The following STK3 variants were observed in gnomAD, a reference collection of about 807,000 sequenced individuals.
STK3 encodes the protein serine/threonine kinase 3, also known as serine/threonine-protein kinase 3.
A neutral mutation model predicts 58.0 loss-of-function variants in STK3; 41 were observed. The ratio of observed to expected loss-of-function variants is 0.71; its 90% confidence interval spans 0.55 to 0.92. The LOEUF (loss-of-function observed/expected upper bound fraction) is 0.92, where lower values mean the gene tolerates loss of function less well. STK3 is among the 40% of genes least tolerant of loss of function. The pLI is 0.00. For synonymous variants in STK3, 170 were observed against 191.0 expected (o/e 0.89, Z 0.91); for missense variants, 479 against 602.7 (o/e 0.79, Z 2.15).
At chr8:98,744,691 C>T (rs1033509160) in intron 4 of STK3, among the ~76,000 whole-genome samples, 2 of 151,702 alleles carry the variant, frequency 1.3e-5, no homozygotes, top group South Asian at 4.2e-4. Context: ...ATGTAACTAA[C>T]CTGCACATTG....
chr8:98,399,916 C>G (rs1445876058), downstream of STK3, among the ~76,000 whole-genome samples: 3 of 152,206 alleles, frequency 2.0e-5, no homozygotes, highest in African/African-American at 7.2e-5. Context: ...AAACAGAGTT[C>G]AGAAGTGTTT....
intron 10 of STK3, among the ~76,000 whole-genome samples, chr8:98,506,477 C>T (rs887828046): frequency 5.9e-5 from 9 of 152,128 alleles, no homozygotes; most frequent in South Asian, 4.1e-4. Context: ...CCGTCTTCTG[C>T]GTCAATCACA....
At chr8:98,799,491 G>C (rs1833380496) in intron 1 of STK3, among the ~76,000 whole-genome samples, 1 of 152,144 alleles carries the variant, frequency 6.6e-6, no homozygotes, top group Non-Finnish European at 1.5e-5. Flanking sequence ...GAAAAAAGCA[G>C]TGTACCCTAT....
At chr8:98,492,839 C>T (rs1447571824) in intron 10 of STK3, among the ~76,000 whole-genome samples, 1 of 152,112 alleles carries the variant, frequency 6.6e-6, no homozygotes, top group Non-Finnish European at 1.5e-5. Flanking sequence ...TACTAGTGCT[C>T]TAGGTCCCAT....
chr8:98,502,297 G>A (rs1823670578), intron 10 of STK3, among the ~76,000 whole-genome samples: 1 of 151,786 alleles, frequency 6.6e-6, no homozygotes, highest in Non-Finnish European at 1.5e-5. Context: ...AGCTTAAGGA[G>A]ATTTTGGGCT....
chr8:98,385,851 C>T (rs749798469), intron 1 of STK3, among the ~76,000 whole-genome samples: 6 of 152,160 alleles, frequency 3.9e-5, no homozygotes, highest in East Asian at 1.9e-4. Context: ...CTCTTCTCCC[C>T]GTATTCCAAA....
the STK3 span, among the ~76,000 whole-genome samples, chr8:98,352,388 G>A: frequency 6.6e-6 from 1 of 152,142 alleles, no homozygotes; most frequent in African/African-American, 2.4e-5. Context: ...CTGTACCTGT[G>A]AGCACACATA....
downstream of STK3, among the ~76,000 whole-genome samples, chr8:98,370,035 G>T (rs1291578064): frequency 6.6e-6 from 1 of 151,532 alleles, no homozygotes; most frequent in Non-Finnish European, 1.5e-5. Flanking sequence ...ATATGGGGCA[G>T]AAGGGGTGGG....
chr8:98,477,837 CA>C (rs1177351229), intron 10 of STK3, among the ~76,000 whole-genome samples: 1 of 150,234 alleles, frequency 6.7e-6, no homozygotes, highest in East Asian at 2.0e-4. Flanking sequence ...TTGGTGGGGT[CA>C]GGGGTAATTC....
chr8:98,842,189 T>C (rs761099602), intron 3 of STK3, among the ~76,000 whole-genome samples: 1 of 152,224 alleles, frequency 6.6e-6, no homozygotes, highest in African/African-American at 2.4e-5. Flanking sequence ...ATATTTAAAA[T>C]TTTTAAATTC....
intron 10 of STK3, among the ~76,000 whole-genome samples, chr8:98,475,772 T>C (rs757967223): frequency 6.6e-6 from 1 of 152,218 alleles, no homozygotes; most frequent in Non-Finnish European, 1.5e-5. Flanking sequence ...GAATTATAAA[T>C]GGCGGATTTA....
intron 4 of STK3, among the ~76,000 whole-genome samples, chr8:98,712,265 C>G (rs1587386993): frequency 2.0e-5 from 3 of 152,178 alleles, no homozygotes; most frequent in Admixed American, 2.0e-4. Context: ...ATGACAGGAT[C>G]AAATTCACAC....
chr8:98,505,850 G>C (rs574432678), intron 10 of STK3, among the ~76,000 whole-genome samples: 1 of 152,338 alleles, frequency 6.6e-6, no homozygotes, highest in South Asian at 2.1e-4. Flanking sequence ...CTACACAGGG[G>C]TCAGGGACCC....
At chr8:98,829,953 G>A (rs1310032525), upstream of STK3, among the ~76,000 whole-genome samples, 1 of 151,762 alleles carries the variant, frequency 6.6e-6, no homozygotes, top group Non-Finnish European at 1.5e-5. Context: ...GAGGCCGGAC[G>A]TGGTGGCTCA....
At chr8:98,698,497 G>A (rs945144075) in intron 6 of STK3, among the ~76,000 whole-genome samples, 18 of 152,140 alleles carry the variant, frequency 1.2e-4, no homozygotes, top group Non-Finnish European at 2.4e-4. Context: ...TGCAGTGGCT[G>A]GTACCGGTTG....
intron 10 of STK3, among the ~76,000 whole-genome samples, chr8:98,459,976 C>T (rs1361683614): frequency 6.6e-6 from 1 of 152,216 alleles, no homozygotes; most frequent in African/African-American, 2.4e-5. Context: ...TAAAGAGTCC[C>T]CACTGGGGTG....
intron 6 of STK3, among the ~76,000 whole-genome samples, chr8:98,612,554 T>C (rs1246829653): frequency 1.3e-5 from 2 of 151,510 alleles, no homozygotes; most frequent in African/African-American, 4.8e-5. Context: ...GGAACATAAC[T>C]GATGACTTCC....
chr8:98,593,895 C>A (rs752304677), intron 7 of STK3, among the ~76,000 whole-genome samples: 1 of 151,756 alleles, frequency 6.6e-6, no homozygotes, highest in East Asian at 1.9e-4. Flanking sequence ...TCCTACCCCC[C>A]CAAAAAAAAA....
chr8:98,368,583 G>T (rs1241651726), downstream of STK3, among the ~76,000 whole-genome samples: 1 of 152,214 alleles, frequency 6.6e-6, no homozygotes, highest in Non-Finnish European at 1.5e-5. Context: ...CATGTCCAGG[G>T]TTAGGTTAGG....
Sources: allele counts gnomAD v4.1 joint callset (sites outside exome capture counted in the v4.1 genomes callset), GRCh38; gene constraint gnomAD v4.1.1; transcripts MANE v1.5; gene names NCBI Gene and HGNC (gene_info 2026-07-23, HGNC 2026-07-21).